Variants in SPPL3 observed in about 807,000 individuals in gnomAD.
SPPL3 encodes signal peptide peptidase like 3.
SPPL3 carries 5 observed loss-of-function variants against 42.4 expected under a neutral mutation model. That is an observed-to-expected ratio of 0.12 (90% CI 0.06 to 0.25). The LOEUF is 0.25. Ranked by LOEUF, SPPL3 falls within the 10% of genes least tolerant of loss-of-function variation. The probability of loss-of-function intolerance (pLI) is 1.00; values close to 1 mark genes in which losing one functional copy is unlikely to be tolerated. For missense variants in SPPL3, 235 were observed against 489.0 expected, an observed-to-expected ratio of 0.48 and a Z score of 4.90; for synonymous variants, 195 against 181.8, an observed-to-expected ratio of 1.07 and a Z score of -0.58.
chr12:120,846,883 G>A (rs1872057939), intron 1 of SPPL3, among the ~76,000 whole-genome samples: 1 of 152,206 alleles, frequency 6.6e-6, no homozygotes, highest in Non-Finnish European at 1.5e-5. Context: ...CAGAGTTCAT[G>A]TGGGTGGGAG....
At chr12:120,779,906 G>A (rs1333110418) in intron 6 of SPPL3, among the ~76,000 whole-genome samples, 2 of 150,826 alleles carry the variant, frequency 1.3e-5, no homozygotes, top group Non-Finnish European at 2.9e-5. Flanking sequence ...GCTGAGGCAG[G>A]AGAATCACTT....
At chr12:120,830,548 A>G (rs1483028464) in intron 1 of SPPL3, among the ~76,000 whole-genome samples, 1 of 4,776 alleles carries the variant, frequency 2.1e-4, no homozygotes, top group Non-Finnish European at 4.5e-4. Context: ...AGGGGAGGGG[A>G]GGGGAGGGGG....
intron 9 of SPPL3, 39 bp downstream of exon 9, chr12:120,767,355 C>T (rs747359833): frequency 3.3e-5 from 53 of 1,593,182 alleles, no homozygotes; most frequent in Non-Finnish European, 4.4e-5. Flanking sequence ...GGAGGACAGC[C>T]AGAGCGAGGA....
At chr12:120,887,492 T>C (rs1049657931) in intron 1 of SPPL3, among the ~76,000 whole-genome samples, 14 of 152,120 alleles carry the variant, frequency 9.2e-5, no homozygotes, top group African/African-American at 3.4e-4. Flanking sequence ...AGCTTACTGA[T>C]GATGCAGCAG....
intron 1 of SPPL3, among the ~76,000 whole-genome samples, chr12:120,875,505 C>T (rs1873056715): frequency 1.3e-5 from 2 of 151,512 alleles, no homozygotes; most frequent in East Asian, 1.9e-4. Context: ...GGCGGACGCC[C>T]GTAATCCCAA....
rs1206056041 is a variant in SPPL3 at position 120,766,391 on chromosome 12, A to T, written c.974-19T>A. On this transcript the variant is annotated intron_variant, in intron 9 of 10. Coordinates refer to ENST00000353487, the MANE Select transcript of SPPL3 (RefSeq NM_139015.5). ...AGCAGGCCTGTGAGGAGAGAGAGGC[A>T]TCTGTGAGACACGAGAGGGAACCCG... 6 of 1,560,598 alleles carry T rather than the reference A, an allele frequency of 3.8e-6. No homozygotes were observed. The Admixed American group carries it at 9.7e-5, about 25-fold the overall frequency.
chr12:120,817,042 C>T (rs1380293832), intron 1 of SPPL3, among the ~76,000 whole-genome samples: 1 of 151,874 alleles, frequency 6.6e-6, no homozygotes, highest in Non-Finnish European at 1.5e-5. Flanking sequence ...GTAATTTTGA[C>T]ACTCTAGGAG....
chr12:120,849,097 T>C (rs969667406), intron 1 of SPPL3, among the ~76,000 whole-genome samples: 4 of 152,036 alleles, frequency 2.6e-5, no homozygotes, highest in African/African-American at 9.7e-5. Flanking sequence ...AGCCCAGGAA[T>C]TTAAGGCTGC....
At chr12:120,894,962 CAAA>C (rs1873755173) in intron 1 of SPPL3, among the ~76,000 whole-genome samples, 1 of 151,314 alleles carries the variant, frequency 6.6e-6, no homozygotes. Flanking sequence ...AACAAACAAA[CAAA>C]CAAACAAACC....
chr12:120,864,467 G>A (rs892620159), intron 1 of SPPL3, among the ~76,000 whole-genome samples: 22 of 152,054 alleles, frequency 1.4e-4, no homozygotes, highest in Non-Finnish European at 2.4e-4. Context: ...CCTGGGAGTC[G>A]GAGGCTGCAG....
intron 1 of SPPL3, chr12:120,835,802 G>A (rs940281183): frequency 6.6e-6 from 1 of 152,122 alleles, no homozygotes; most frequent in Non-Finnish European, 1.5e-5. Flanking sequence ...TGAGAGAGAG[G>A]TGAACCATTC....
chr12:120,887,704 T>C (rs897355544), intron 1 of SPPL3, among the ~76,000 whole-genome samples: 6 of 152,236 alleles, frequency 3.9e-5, no homozygotes, highest in Non-Finnish European at 4.4e-5. Flanking sequence ...GGTTCAACTT[T>C]GGTAGTACAC....
intron 1 of SPPL3, among the ~76,000 whole-genome samples, chr12:120,858,079 A>G (rs1872516887): frequency 6.6e-6 from 1 of 152,252 alleles, no homozygotes; most frequent in Non-Finnish European, 1.5e-5. Flanking sequence ...AGGGAGGCAG[A>G]GAGCATCTGT....
chr12:120,800,371 C>T (rs776388957), intron 2 of SPPL3, among the ~76,000 whole-genome samples: 21 of 151,986 alleles, frequency 1.4e-4, no homozygotes, highest in Admixed American at 3.3e-4. Context: ...GGCCTGGTGG[C>T]GCACACCTGT....
chr12:120,885,515 A>AGTATTT (rs1873424581), intron 1 of SPPL3, among the ~76,000 whole-genome samples: 1 of 152,208 alleles, frequency 6.6e-6, no homozygotes, highest in Admixed American at 6.5e-5. Flanking sequence ...ACTTAGAATA[A>AGTATTT]CTACATGTCC....
intron 1 of SPPL3, among the ~76,000 whole-genome samples, chr12:120,814,293 T>C (rs144178733): frequency 6.6e-6 from 1 of 152,270 alleles, no homozygotes; most frequent in East Asian, 1.9e-4. Flanking sequence ...TACCTTTTCC[T>C]AAATTTCAGT....
At chr12:120,797,226 T>C (rs189283724) in intron 2 of SPPL3, among the ~76,000 whole-genome samples, 3 of 152,096 alleles carry the variant, frequency 2.0e-5, no homozygotes, top group South Asian at 2.1e-4. Flanking sequence ...AAGGATTCTG[T>C]GTAGATCTCT....
At chr12:120,895,781 A>G (rs1036713462) in intron 1 of SPPL3, among the ~76,000 whole-genome samples, 5 of 152,230 alleles carry the variant, frequency 3.3e-5, no homozygotes, top group Non-Finnish European at 7.3e-5. Flanking sequence ...TACAACAGGC[A>G]TAACTATTGT....
chr12:120,767,406 C>T lies in SPPL3; in HGVS notation c.961G>A (p.Gly321Arg). 6.2e-7 allele frequency: 1 copy of T among 1,612,702 alleles called. No individual in the cohort carries two copies. Among genetic ancestry groups the T allele is most frequent in the Non-Finnish European group, 8.5e-7 (1 of 1,180,012 alleles). The change falls in exon 9 of 11, where the codon GGA (glycine) becomes AGA (arginine). Residue 321 changes from glycine (G) to arginine (R), a missense_variant. By Grantham distance (125) the Gly-to-Arg change is moderately radical (BLOSUM62 -2). Transcript: ENST00000353487. ...KVSYFHCTLI[G>R]YFVGLLTATV... ...CTGGTTCTCTTACCTACAAAGTATC[C>T]GATGAGGGTGCAGTGAAAGTAGGAG...
Sources: allele counts gnomAD v4.1 joint callset (sites outside exome capture counted in the v4.1 genomes callset), GRCh38; gene constraint gnomAD v4.1.1; transcripts MANE v1.5; gene names NCBI Gene and HGNC (gene_info 2026-07-23, HGNC 2026-07-21).